TANC2: variants seen among roughly 807,000 people sequenced by gnomAD.
TANC2 encodes tetratricopeptide repeat, ankyrin repeat and coiled-coil containing 2, also known as protein TANC2.
Under a neutral mutation model 210.5 loss-of-function variants are expected in TANC2, and 26 were observed. That is an observed-to-expected ratio of 0.12 (90% confidence interval 0.09 to 0.17). The LOEUF is 0.17. TANC2 is among the 10% of genes least tolerant of loss of function. The probability of loss-of-function intolerance (pLI) is 1.00; values close to 1 mark genes in which losing one functional copy is unlikely to be tolerated. For missense variants in TANC2, 2,129 were observed against 2,608.9 expected (o/e 0.82, Z 4.01); for synonymous variants, 931 against 967.1 (o/e 0.96, Z 0.69).
intron 18 of TANC2, chr17:63,396,369 T>A (rs1282528833): frequency 6.0e-6 from 1 of 167,642 alleles, no homozygotes; most frequent in Non-Finnish European, 1.3e-5. Context: ...AGAAGTTTAG[T>A]TTCCCATCAG....
chr17:63,031,117 GCAGAT>G (rs5821380), intron 2 of TANC2, among the ~76,000 whole-genome samples: 135,105 of 151,676 alleles, frequency 0.89, 60,630 homozygotes, highest in East Asian at 0.99. Context: ...AAACCAACCA[GCAGAT>G]CATCCCAGAA....
At chr17:63,211,741 A>G (rs1170093510) in intron 7 of TANC2, among the ~76,000 whole-genome samples, 1 of 152,116 alleles carries the variant, frequency 6.6e-6, no homozygotes, top group Non-Finnish European at 1.5e-5. Context: ...TGCCATGTTC[A>G]TTTTTTATCT....
At chr17:63,292,345 G>A (rs1335043838) in intron 9 of TANC2, among the ~76,000 whole-genome samples, 3 of 152,144 alleles carry the variant, frequency 2.0e-5, no homozygotes, top group Non-Finnish European at 2.9e-5. Context: ...AGAAAGTGTC[G>A]TCACGTTAAG....
intron 7 of TANC2, among the ~76,000 whole-genome samples, chr17:63,228,280 A>G (rs540251757): frequency 1.7e-4 from 26 of 152,188 alleles, no homozygotes; most frequent in East Asian, 1.2e-3. Context: ...ATTCTGTTCC[A>G]TGGTCTATGT....
In TANC2 at chr17:63,100,224, A is replaced by G. The variant is rs548340479; in HGVS notation, c.322+867A>G. ...AGTTTGATTATCATTATGACAATTCAGAAGAAAATGAGAAATGAAATTTTT... is the reference window on the plus strand; with the variant it reads ...AGTTTGATTATCATTATGACAATTCGGAAGAAAATGAGAAATGAAATTTTT... On this transcript the variant is annotated intron_variant, in intron 4 of 27. Transcript: ENST00000689528. Among the ~76,000 whole-genome samples the G allele has an allele frequency of 1.3e-3, 199 of 152,294 alleles. 2 individuals carry two copies. Among genetic ancestry groups the G allele is most frequent in the Middle Eastern group, 6.8e-3 (2 of 294 alleles).
intron 9 of TANC2, 90 bp from the exon 10 acceptor site, chr17:63,314,298 A>T (rs1403210774): frequency 2.8e-6 from 4 of 1,426,792 alleles, no homozygotes; most frequent in Non-Finnish European, 3.8e-6. Flanking sequence ...TGATAACTCA[A>T]GTCCCTAAAC....
intron 3 of TANC2, among the ~76,000 whole-genome samples, chr17:63,090,906 G>A (rs1235804007): frequency 3.3e-5 from 5 of 152,178 alleles, no homozygotes. Flanking sequence ...CATTCTAACT[G>A]GTGTGAGATG....
chr17:63,156,324 A>C (rs2039835255), intron 5 of TANC2, among the ~76,000 whole-genome samples: 1 of 152,082 alleles, frequency 6.6e-6, no homozygotes. Flanking sequence ...ACATGTACAT[A>C]TGTACTTTTT....
At chr17:63,299,612 C>T (rs898437637) in intron 9 of TANC2, among the ~76,000 whole-genome samples, 2 of 151,228 alleles carry the variant, frequency 1.3e-5, no homozygotes, top group African/African-American at 2.4e-5. Context: ...ATCCTTTGCC[C>T]ACTTTTTGGT....
chr17:63,145,244 C>T (rs1257896330), intron 4 of TANC2, among the ~76,000 whole-genome samples: 2 of 152,038 alleles, frequency 1.3e-5, no homozygotes, highest in African/African-American at 2.4e-5. Flanking sequence ...AGATTTTAAA[C>T]CTAACAGAGA....
At chr17:63,304,142 G>A (rs181096787) in intron 9 of TANC2, among the ~76,000 whole-genome samples, 19 of 152,184 alleles carry the variant, frequency 1.2e-4, no homozygotes, top group Admixed American at 3.3e-4. Context: ...GAGGCGTTGC[G>A]ATCATTTGGA....
exon 21 of TANC2, chr17:63,406,256 G>C (rs762562307): frequency 1.2e-6 from 2 of 1,613,648 alleles, no homozygotes; most frequent in African/African-American, 1.3e-5. Context: ...TCTAGGAACC[G>C]TGGACTTTCT....
intron 8 of TANC2, among the ~76,000 whole-genome samples, chr17:63,245,408 TTAAAATATA>T (rs1443829553): frequency 6.6e-6 from 1 of 152,128 alleles, no homozygotes; most frequent in African/African-American, 2.4e-5. Context: ...ATACCAGTTT[TTAAAATATA>T]TAAAATGTGG....
intron 17 of TANC2, chr17:63,391,163 G>T (rs1215833120): frequency 6.6e-6 from 1 of 151,968 alleles, no homozygotes. Flanking sequence ...ACAAACCTAT[G>T]AATGTAGAAA....
In TANC2 at chr17:63,073,873, GATA is replaced by G. The variant is rs565126876; in HGVS notation, c.68-67_68-65del. ...GATCGATATAGTAGTTTTAAATGTA[GATA>G]ATGTCAGAGACACTGTTATGTCAAT... On this transcript the variant is annotated intron_variant, in intron 2 of 27. Coordinates refer to ENST00000689528, the Ensembl canonical transcript of TANC2. 6,860 of 1,246,948 alleles carry G rather than the reference GATA, an allele frequency of 5.5e-3. 24 individuals carry two copies. The highest frequency in any genetic ancestry group is 6.4e-3 in the Non-Finnish European group (5,646 of 884,184). The allele number at this position is 1,246,948 out of a possible 1,614,324, so 77.2% of individuals were successfully genotyped here. A position where few individuals can be genotyped will look rare whatever the true frequency, so the allele number is the denominator to read the frequency against.
intron 4 of TANC2, among the ~76,000 whole-genome samples, chr17:63,136,231 T>G (rs556806770): frequency 1.3e-5 from 2 of 152,332 alleles, no homozygotes; most frequent in East Asian, 3.9e-4. Flanking sequence ...TGTGGTCATT[T>G]TTTGAGTAAC....
intron 9 of TANC2, among the ~76,000 whole-genome samples, chr17:63,300,620 CATT>C (rs1428564456): frequency 3.9e-5 from 6 of 152,138 alleles, no homozygotes; most frequent in African/African-American, 1.4e-4. Context: ...GGGTTTTGCA[CATT>C]GATTTTGTAT....
intron 3 of TANC2, among the ~76,000 whole-genome samples, chr17:63,096,825 G>A (rs746489172): frequency 4.6e-5 from 7 of 152,062 alleles, no homozygotes; most frequent in Admixed American, 1.3e-4. Flanking sequence ...AGGAACCACC[G>A]TCTTACATTT....
intron 4 of TANC2, among the ~76,000 whole-genome samples, chr17:63,135,925 C>T (rs1249940455): frequency 1.3e-5 from 2 of 152,080 alleles, no homozygotes; most frequent in Admixed American, 1.3e-4. Flanking sequence ...CAGCTTAGCA[C>T]GTTTAAAAGG....
Sources: allele counts gnomAD v4.1 joint callset (sites outside exome capture counted in the v4.1 genomes callset), GRCh38; gene constraint gnomAD v4.1.1; transcripts MANE v1.5; gene names NCBI Gene and HGNC (gene_info 2026-07-23, HGNC 2026-07-21).